Variants in LPL observed in about 807,000 individuals in gnomAD.
The protein encoded by LPL is phospholipase A1.
Under a neutral mutation model 52.2 loss-of-function variants are expected in LPL, and 43 were observed. The ratio of observed to expected loss-of-function variants is 0.82; its 90% CI spans 0.64 to 1.06. The LOEUF is 1.06. LPL is among the 50% of genes least tolerant of loss of function. LPL has a pLI of 0.00. For synonymous variants in LPL, 244 were observed against 215.6 expected (o/e 1.13, Z -1.15); for missense variants, 639 against 585.3 (o/e 1.09, Z -0.95).
rs1489499895 is a variant in LPL, at chr8:19,956,005, G to A, written c.940G>A (p.Gly314Ser). 3 of 1,614,000 alleles carry A rather than the reference G, an allele frequency of 1.9e-6. No individual in the cohort carries two copies. Among genetic ancestry groups the A allele is most frequent in the African/African-American group, 2.7e-5 (2 of 74,882 alleles). ...SCRKNRCNNLGYEINKVRAKR... is the reference protein window; with the variant it reads ...SCRKNRCNNLSYEINKVRAKR... The stretch of plus-strand genomic sequence containing the variant: ...TAGAAAGAACCGCTGCAACAATCTG[G>A]GCTATGAGATCAATAAAGTCAGAGC... The change falls in exon 6 of 10, where the codon GGC becomes AGC. Residue 314 changes from glycine (G) to serine (S), a missense_variant. By Grantham distance (56) the Gly-to-Ser change is moderately conservative. Coordinates refer to ENST00000650287, the MANE Select transcript of LPL (RefSeq NM_000237.3).
chr8:19,962,510 TCTC>T (rs2070048941), intron 9 of LPL, among the ~76,000 whole-genome samples: 1 of 152,130 alleles, frequency 6.6e-6, no homozygotes, highest in African/African-American at 2.4e-5. Context: ...AATCTTCACT[TCTC>T]CTTTTTTCTC....
chr8:19,961,829 T>C (rs1590148474), intron 8 of LPL, among the ~76,000 whole-genome samples: 1 of 152,148 alleles, frequency 6.6e-6, no homozygotes, highest in East Asian at 1.9e-4. Context: ...GCAGAGTTGA[T>C]CTTTTATCAT....
intron 1 of LPL, among the ~76,000 whole-genome samples, chr8:19,943,597 G>T (rs556755985): frequency 2.0e-5 from 3 of 152,256 alleles, no homozygotes; most frequent in East Asian, 1.9e-4. Context: ...GATTAACCAG[G>T]TAAGTATTTT....
chr8:19,948,946 A>T (rs546275690), intron 2 of LPL, among the ~76,000 whole-genome samples: 1 of 151,880 alleles, frequency 6.6e-6, no homozygotes, highest in Non-Finnish European at 1.5e-5. Flanking sequence ...AAAAAAAAAA[A>T]GGGCTGGGCA....
chr8:19,959,375 C>A lies in LPL; in HGVS notation c.1134C>A (p.Phe378Leu), dbSNP rs2070016835. 7 of 1,613,988 alleles carry A rather than the reference C, an allele frequency of 4.3e-6. No homozygotes were observed. The South Asian group carries it at 5.5e-5, about 13-fold the overall frequency. ...TGGCCGAGAGTGAGAACATCCCATT[C>A]ACTCTGTGAGTAGCACAGGGGGGCG... Reference protein sequence around the residue: ...GTVAESENIPFTLPEVSTNKT... With the variant: ...GTVAESENIPLTLPEVSTNKT... The change falls in exon 7 of 10, where the codon TTC becomes TTA. Residue 378 changes from phenylalanine (F) to leucine (L), a missense_variant. Physicochemically the swap from Phe to Leu is conservative, Grantham distance 22. Coordinates refer to ENST00000650287, the MANE Select transcript of LPL (RefSeq NM_000237.3).
At chr8:19,958,908 C>T (rs1256593785) in intron 6 of LPL, among the ~76,000 whole-genome samples, 3 of 152,156 alleles carry the variant, frequency 2.0e-5, no homozygotes, top group African/African-American at 7.2e-5. Context: ...CCAAGGATGG[C>T]GGAGTTCATG....
At chr8:19,959,777 CTTTTTTTTTTTTTT>C (rs71205952) in intron 7 of LPL, among the ~76,000 whole-genome samples, 2 of 65,132 alleles carry the variant, frequency 3.1e-5, no homozygotes, top group East Asian at 5.1e-4. Flanking sequence ...AGTGTTAGCT[CTTTTTTTTTTTTTT>C]TTTTTTTTTT....
intron 1 of LPL, among the ~76,000 whole-genome samples, 145 bp from the exon 2 acceptor site, chr8:19,948,026 TGTTGTTCTC>T (rs1488491628): frequency 6.6e-6 from 1 of 152,182 alleles, no homozygotes; most frequent in Non-Finnish European, 1.5e-5. Flanking sequence ...TTGGAGCATC[TGTTGTTCTC>T]TTGCAATCCA....
chr8:19,943,183 G>T (rs900115542), intron 1 of LPL, among the ~76,000 whole-genome samples: 5 of 152,156 alleles, frequency 3.3e-5, no homozygotes, highest in African/African-American at 4.8e-5. Flanking sequence ...CAGTCAGGTA[G>T]GGGTAATACC....
chr8:19,962,872 A>G (rs916107679), intron 9 of LPL, among the ~76,000 whole-genome samples: 4 of 152,234 alleles, frequency 2.6e-5, no homozygotes, highest in African/African-American at 7.2e-5. Flanking sequence ...TGTTAGCTGC[A>G]TCTTTCCAGA....
intron 1 of LPL, among the ~76,000 whole-genome samples, chr8:19,947,919 A>C (rs1423059260): frequency 6.6e-6 from 1 of 152,182 alleles, no homozygotes; most frequent in Admixed American, 6.5e-5. Flanking sequence ...ACCCTGACTA[A>C]GGAGAGCTTC....
chr8:19,943,548 C>T (rs1002765690), intron 1 of LPL, among the ~76,000 whole-genome samples: 3 of 152,176 alleles, frequency 2.0e-5, no homozygotes, highest in African/African-American at 7.2e-5. Context: ...CTGGATGTTT[C>T]CATTTGCCAT....
chr8:19,941,473 T>G (rs2069838504), intron 1 of LPL, among the ~76,000 whole-genome samples: 1 of 152,212 alleles, frequency 6.6e-6, no homozygotes, highest in South Asian at 2.1e-4. Context: ...TGCAATGAGT[T>G]TGGATGAGGC....
rs2069951250 is a variant in LPL, at chr8:19,953,326, C to T, written c.446C>T (p.Pro149Leu). 5.6e-6 allele frequency: 9 copies of T among 1,612,484 alleles called. No homozygotes were observed. The highest frequency in any genetic ancestry group is 7.6e-6 in the Non-Finnish European group (9 of 1,178,532). Reference protein sequence around the residue: ...INWMEEEFNYPLDNVHLLGYS... With the variant: ...INWMEEEFNYLLDNVHLLGYS... ...CTTCCAAAGGAGGAGTTTAACTACC[C>T]TCTGGACAATGTCCATCTCTTGGGA... Residue 149 changes from proline (P) to leucine (L), a missense_variant, in exon 4 of 10, where the codon CCT becomes CTT. Coordinates refer to ENST00000650287, the MANE Select transcript of LPL (RefSeq NM_000237.3).
At chr8:19,943,733 TCAGTGGGG>T (rs1389872594) in intron 1 of LPL, among the ~76,000 whole-genome samples, 1 of 152,226 alleles carries the variant, frequency 6.6e-6, no homozygotes, top group Non-Finnish European at 1.5e-5. Context: ...ATGGTCTCAT[TCAGTGGGG>T]CAATTTTAAT....
chr8:19,965,178 T>C, intron 9 of LPL, 132 bp from the exon 10 acceptor site: 1 of 696,416 alleles, frequency 1.4e-6, no homozygotes, highest in Non-Finnish European at 2.7e-6. Flanking sequence ...CTCCCCTGGG[T>C]TTATTCTCAC....
At chr8:19,964,122 T>A (rs530634173) in intron 9 of LPL, among the ~76,000 whole-genome samples, 1 of 152,090 alleles carries the variant, frequency 6.6e-6, no homozygotes, top group Non-Finnish European at 1.5e-5. Flanking sequence ...CTGGCTAATT[T>A]CGTATTTTTA....
intron 8 of LPL, 75 bp from the exon 9 acceptor site, chr8:19,962,040 T>C (rs2070043450): frequency 4.1e-6 from 4 of 986,546 alleles, no homozygotes; most frequent in Non-Finnish European, 6.6e-6. Context: ...TAAACAGTCC[T>C]GACAGAACTG....
intron 2 of LPL, among the ~76,000 whole-genome samples, chr8:19,949,748 G>A (rs1377258196): frequency 1.3e-5 from 2 of 152,228 alleles, no homozygotes; most frequent in Admixed American, 6.5e-5. Flanking sequence ...CTCCCAAAGT[G>A]TTGGGATGAC....
Sources: allele counts gnomAD v4.1 joint callset (sites outside exome capture counted in the v4.1 genomes callset), GRCh38; gene constraint gnomAD v4.1.1; transcripts MANE v1.5; gene names NCBI Gene and HGNC (gene_info 2026-07-23, HGNC 2026-07-21).